Variants in FGGY observed in about 807,000 individuals in gnomAD.
FGGY encodes FGGY carbohydrate kinase domain containing.
A neutral mutation model predicts 71.3 loss-of-function variants in FGGY; 72 were observed. The observed-to-expected ratio is 1.01, with a 90% CI of 0.84 to 1.23. The LOEUF (loss-of-function observed/expected upper bound fraction) is 1.23, where lower values mean the gene tolerates loss of function less well. Among genes scored for constraint, FGGY ranks in the 50% most tolerant of loss-of-function variants. The pLI is 0.00. For missense variants in FGGY, 668 were observed against 682.3 expected (o/e 0.98, Z 0.23); for synonymous variants, 251 against 250.3 (o/e 1.00, Z -0.02).
intron 8 of FGGY, among the ~76,000 whole-genome samples, chr1:59,606,272 C>T (rs2096622603): frequency 6.6e-6 from 1 of 152,184 alleles, no homozygotes; most frequent in Admixed American, 6.5e-5. Flanking sequence ...TTAGCAAAAT[C>T]CTACTAGTCT....
At chr1:59,496,686 T>TA (rs79791800) in intron 6 of FGGY, among the ~76,000 whole-genome samples, 7 of 150,980 alleles carry the variant, frequency 4.6e-5, no homozygotes, top group African/African-American at 9.7e-5. Context: ...AAATAAAAGT[T>TA]AAAAAAAAAT....
intron 9 of FGGY, among the ~76,000 whole-genome samples, chr1:59,613,898 A>G (rs1413176861): frequency 6.6e-6 from 1 of 152,262 alleles, no homozygotes; most frequent in African/African-American, 2.4e-5. Flanking sequence ...GAAAATCTAG[A>G]AGAAATGGAT....
intron 6 of FGGY, among the ~76,000 whole-genome samples, chr1:59,474,420 T>C (rs1558053362): frequency 1.3e-5 from 2 of 152,220 alleles, no homozygotes; most frequent in South Asian, 4.1e-4. Flanking sequence ...TGAGGTGAAT[T>C]TCCTTGGTCC....
At chr1:59,706,895 A>T (rs2097760888) in intron 14 of FGGY, among the ~76,000 whole-genome samples, 1 of 152,190 alleles carries the variant, frequency 6.6e-6, no homozygotes, top group South Asian at 2.1e-4. Flanking sequence ...TAATAAAATT[A>T]ATTATTATTG....
chr1:59,394,478 A>T (rs1328818536), intron 5 of FGGY, among the ~76,000 whole-genome samples: 5 of 152,054 alleles, frequency 3.3e-5, no homozygotes, highest in African/African-American at 1.2e-4. Flanking sequence ...GTTACATACC[A>T]TTTCTGCACT....
intron 5 of FGGY, among the ~76,000 whole-genome samples, chr1:59,433,398 CT>C (rs1407049475): frequency 6.6e-6 from 1 of 152,180 alleles, no homozygotes; most frequent in African/African-American, 2.4e-5. Flanking sequence ...ATTGTTCAGG[CT>C]GCTGGATCTC....
chr1:59,654,974 C>T (rs568140813), intron 11 of FGGY, among the ~76,000 whole-genome samples: 2 of 152,242 alleles, frequency 1.3e-5, no homozygotes, highest in Admixed American at 6.5e-5. Flanking sequence ...AGAGTCCCCC[C>T]ACTCTGTGTC....
At chr1:59,374,911 G>T (rs1388719737) in intron 4 of FGGY, among the ~76,000 whole-genome samples, 1 of 121,520 alleles carries the variant, frequency 8.2e-6, no homozygotes, top group Admixed American at 8.7e-5. Flanking sequence ...ACTGTTGTGG[G>T]GTGGGGGGAG....
rs2098350692 is a variant in FGGY at position 59,762,440 on chromosome 1, A to G, written c.1575-63A>G. The G allele has an allele frequency of 3.1e-5, 39 of 1,254,290 alleles. No homozygotes were observed. The South Asian group carries it at 4.6e-4, about 15-fold the overall frequency. The allele number at this position is 1,254,290 out of a possible 1,614,324, so 77.7% of individuals were successfully genotyped here. A position where few individuals can be genotyped will look rare whatever the true frequency, so the allele number is the denominator to read the frequency against. Reference sequence around the variant, plus strand: ...CATATATTTCCATTCTTCTAAATGTACAGGGAAGCCCTGTGGCAGTTTTGT... The same window carrying G: ...CATATATTTCCATTCTTCTAAATGTGCAGGGAAGCCCTGTGGCAGTTTTGT... On this transcript the variant is annotated intron_variant, in intron 15 of 15. Coordinates refer to ENST00000303721, the MANE Select transcript of FGGY (RefSeq NM_018291.5).
chr1:59,732,333 C>T (rs1337195737), intron 14 of FGGY, among the ~76,000 whole-genome samples: 1 of 152,160 alleles, frequency 6.6e-6, no homozygotes, highest in African/African-American at 2.4e-5. Context: ...AATTAGGCCT[C>T]TCTTGTGCTC....
At chr1:59,587,304 G>A (rs1571700541) in intron 8 of FGGY, among the ~76,000 whole-genome samples, 1 of 152,136 alleles carries the variant, frequency 6.6e-6, no homozygotes, top group Admixed American at 6.5e-5. Flanking sequence ...GCTCGAACTG[G>A]GTGGAGCCCA....
At chr1:59,416,793 C>G (rs1004274267) in intron 5 of FGGY, among the ~76,000 whole-genome samples, 7 of 152,138 alleles carry the variant, frequency 4.6e-5, no homozygotes, top group African/African-American at 1.7e-4. Context: ...CAGGAATCTT[C>G]TCTTCCTACT....
intron 8 of FGGY, among the ~76,000 whole-genome samples, chr1:59,554,707 A>G (rs984555083): frequency 1.3e-5 from 2 of 152,114 alleles, no homozygotes; most frequent in African/African-American, 4.8e-5. Flanking sequence ...CTGATAAGCA[A>G]TTTTCACTTT....
chr1:59,690,936 A>G (rs533204558), intron 14 of FGGY, among the ~76,000 whole-genome samples: 38 of 152,358 alleles, frequency 2.5e-4, no homozygotes, highest in African/African-American at 8.9e-4. Flanking sequence ...CTGACTCCCC[A>G]GTCATTAGAG....
chr1:59,344,542 T>C (rs1401106242), intron 3 of FGGY, among the ~76,000 whole-genome samples: 1 of 152,156 alleles, frequency 6.6e-6, no homozygotes, highest in Non-Finnish European at 1.5e-5. Context: ...TTACTACATA[T>C]GTGTATACCC....
intron 5 of FGGY, among the ~76,000 whole-genome samples, chr1:59,390,405 T>A (rs955057821): frequency 1.1e-4 from 17 of 152,202 alleles, no homozygotes; most frequent in African/African-American, 3.9e-4. Flanking sequence ...CTGAGTTCTA[T>A]TTTCAAGATC....
At chr1:59,320,383 A>C (rs2046180857) in intron 1 of FGGY, among the ~76,000 whole-genome samples, 1 of 152,188 alleles carries the variant, frequency 6.6e-6, no homozygotes. Context: ...AGGATGCAGA[A>C]GGTTGCCCAG....
intron 8 of FGGY, among the ~76,000 whole-genome samples, chr1:59,598,308 G>C (rs552117219): frequency 6.6e-6 from 1 of 152,336 alleles, no homozygotes; most frequent in African/African-American, 2.4e-5. Flanking sequence ...GAAGGCTTCA[G>C]AGTTTTTTTG....
At chr1:59,475,178 C>G (rs1002046256) in intron 6 of FGGY, among the ~76,000 whole-genome samples, 7 of 152,084 alleles carry the variant, frequency 4.6e-5, no homozygotes, top group African/African-American at 1.7e-4. Context: ...TTCACACAAC[C>G]TTTTTCCAAC....
Sources: allele counts gnomAD v4.1 joint callset (sites outside exome capture counted in the v4.1 genomes callset), GRCh38; gene constraint gnomAD v4.1.1; transcripts MANE v1.5; gene names NCBI Gene and HGNC (gene_info 2026-07-23, HGNC 2026-07-21).